ANO2: variants seen among roughly 807,000 people sequenced by gnomAD.
The protein encoded by ANO2 is anoctamin-2.
A neutral mutation model predicts 124.2 loss-of-function variants in ANO2; 101 were observed. The ratio of observed to expected loss-of-function variants is 0.81; its 90% CI spans 0.69 to 0.96. ANO2 has a LOEUF of 0.96. ANO2 is among the 40% of genes least tolerant of loss of function. The probability of loss-of-function intolerance (pLI) is 0.00; values close to 1 mark genes in which losing one functional copy is unlikely to be tolerated. For missense variants in ANO2, 1,293 were observed against 1,274.5 expected, an observed-to-expected ratio of 1.01 and a Z score of -0.22; for synonymous variants, 486 against 482.5, an observed-to-expected ratio of 1.01 and a Z score of -0.09.
intron 10 of ANO2, among the ~76,000 whole-genome samples, chr12:5,772,867 G>A (rs561791057): frequency 1.4e-4 from 21 of 152,172 alleles, no homozygotes; most frequent in Non-Finnish European, 2.9e-4. Context: ...CACTCCCAAG[G>A]GAGTCCAGGG....
intron 6 of ANO2, among the ~76,000 whole-genome samples, chr12:5,829,059 C>T (rs1954072390): frequency 6.6e-6 from 1 of 152,220 alleles, no homozygotes; most frequent in South Asian, 2.1e-4. Flanking sequence ...GTTATTCCAT[C>T]ATTATTTACA....
intron 14 of ANO2, among the ~76,000 whole-genome samples, chr12:5,665,332 G>A (rs2136978716): frequency 6.6e-6 from 1 of 152,248 alleles, no homozygotes. Flanking sequence ...CCATTCCCAT[G>A]GTATTCTAGA....
intron 14 of ANO2, among the ~76,000 whole-genome samples, chr12:5,703,063 T>C (rs1380105050): frequency 1.3e-5 from 2 of 152,100 alleles, no homozygotes; most frequent in African/African-American, 4.8e-5. Context: ...ACTGCATCCC[T>C]GGTAGTAGAA....
intron 1 of ANO2, among the ~76,000 whole-genome samples, chr12:5,927,476 G>C (rs753977474): frequency 1.3e-5 from 2 of 152,180 alleles, no homozygotes; most frequent in Admixed American, 1.3e-4. Flanking sequence ...CCTGTTTTCA[G>C]AGTCTCCCCA....
intron 7 of ANO2, among the ~76,000 whole-genome samples, chr12:5,825,175 T>G (rs1396139355): frequency 6.6e-6 from 1 of 152,154 alleles, no homozygotes; most frequent in Non-Finnish European, 1.5e-5. Flanking sequence ...TAAAGAAGTG[T>G]GGCAGTGGAC....
chr12:5,738,209 GAGA>G (rs1488589672), intron 13 of ANO2, among the ~76,000 whole-genome samples: 2 of 152,240 alleles, frequency 1.3e-5, no homozygotes, highest in African/African-American at 4.8e-5. Flanking sequence ...GAGCATTAAG[GAGA>G]AGAAATGGTG....
intron 14 of ANO2, among the ~76,000 whole-genome samples, chr12:5,671,451 G>A (rs1463453105): frequency 1.3e-5 from 2 of 148,552 alleles, no homozygotes; most frequent in Admixed American, 1.3e-4. Context: ...TACAAAGAAA[G>A]AGAGGTTTTC....
chr12:5,693,010 C>T (rs1382174893), intron 14 of ANO2, among the ~76,000 whole-genome samples: 1 of 152,180 alleles, frequency 6.6e-6, no homozygotes, highest in African/African-American at 2.4e-5. Flanking sequence ...TTCTTCTTAT[C>T]TCACTAGCCG....
intron 16 of ANO2, 73 bp from the exon 17 acceptor site, chr12:5,615,370 G>A (rs1012060554): frequency 1.8e-6 from 2 of 1,128,194 alleles, no homozygotes; most frequent in African/African-American, 3.1e-5. Context: ...ACCTAGACAT[G>A]AGCTACTATC....
chr12:5,745,104 T>C (rs2137084027), intron 11 of ANO2, among the ~76,000 whole-genome samples: 1 of 152,344 alleles, frequency 6.6e-6, no homozygotes, highest in East Asian at 1.9e-4. Flanking sequence ...GAGGAATATA[T>C]TTGAAATTCC....
At chr12:5,748,004 G>C (rs901890133) in intron 11 of ANO2, among the ~76,000 whole-genome samples, 2 of 152,170 alleles carry the variant, frequency 1.3e-5, no homozygotes, top group African/African-American at 2.4e-5. Context: ...GCATGAGTGT[G>C]TGTGAATGTG....
intron 14 of ANO2, among the ~76,000 whole-genome samples, chr12:5,709,292 C>G (rs948388758): frequency 5.3e-5 from 8 of 152,196 alleles, no homozygotes; most frequent in Non-Finnish European, 1.2e-4. Context: ...ACTATACTCT[C>G]CACTATACTC....
At chr12:5,781,941 TA>T (rs1021738796) in intron 10 of ANO2, among the ~76,000 whole-genome samples, 3 of 152,234 alleles carry the variant, frequency 2.0e-5, no homozygotes, top group African/African-American at 7.2e-5. Context: ...TTGGGTATAG[TA>T]TTCTATAAAC....
At position 5,714,519 on chromosome 12, in the gene ANO2, T is replaced by C. The variant is rs374362908; in HGVS notation, c.1545+18001A>G. On this transcript the variant is annotated intron_variant, in intron 14 of 24. Coordinates refer to ENST00000682330, the MANE Select transcript of ANO2 (RefSeq NM_001364791.2). ...GAAATAGCATGGAACACTCCAGTTA[T>C]GGGATAAAGGCTAAAAAATATGCAC... 2.5e-4 allele frequency among the ~76,000 whole-genome samples: 38 copies of C among 152,312 alleles called. No individual in the cohort carries two copies. In the East Asian group the frequency reaches 5.8e-3, roughly 23 times the overall value.
chr12:5,757,462 A>T (rs1183271915), intron 10 of ANO2, among the ~76,000 whole-genome samples: 1 of 152,236 alleles, frequency 6.6e-6, no homozygotes, highest in Non-Finnish European at 1.5e-5. Context: ...CAATCTACCA[A>T]GGAGCAATAT....
intron 4 of ANO2, among the ~76,000 whole-genome samples, chr12:5,838,897 A>C (rs998764969): frequency 2.6e-5 from 4 of 152,154 alleles, no homozygotes; most frequent in African/African-American, 9.7e-5. Flanking sequence ...CACCAATGAG[A>C]TGTGCAGCTT....
chr12:5,684,065 C>T (rs1948607865), intron 14 of ANO2, among the ~76,000 whole-genome samples: 1 of 152,148 alleles, frequency 6.6e-6, no homozygotes, highest in African/African-American at 2.4e-5. Flanking sequence ...CCCTCCCTAC[C>T]ACCACTGCAG....
At chr12:5,943,540 G>T (rs534995270) in intron 1 of ANO2, among the ~76,000 whole-genome samples, 1 of 152,180 alleles carries the variant, frequency 6.6e-6, no homozygotes, top group South Asian at 2.1e-4. Flanking sequence ...AGGGATAAAA[G>T]ATTACATACT....
At chr12:5,673,792 A>G (rs1226226407) in intron 14 of ANO2, among the ~76,000 whole-genome samples, 3 of 152,228 alleles carry the variant, frequency 2.0e-5, no homozygotes, top group Admixed American at 6.5e-5. Context: ...CAGAAACAAC[A>G]GCTTCCTTTG....
Sources: gnomAD v4.1 joint callset for allele counts (sites outside exome capture counted in the v4.1 genomes callset) on GRCh38, gnomAD v4.1.1 for gene constraint, MANE v1.5 for transcripts, NCBI Gene and HGNC (gene_info 2026-07-23, HGNC 2026-07-21) for gene names.